Variants in DCAF6 observed in about 807,000 individuals in gnomAD.
DCAF6 encodes DDB1- and CUL4-associated factor 6.
In DCAF6, 54 loss-of-function variants were observed where a neutral mutation model predicts 125.1. The observed-to-expected ratio is 0.43, with a 90% CI of 0.35 to 0.54. The LOEUF (loss-of-function observed/expected upper bound fraction) is 0.54, where lower values mean the gene tolerates loss of function less well. DCAF6 is among the 20% of genes least tolerant of loss of function. The probability of loss-of-function intolerance (pLI) is 0.01; values close to 1 mark genes in which losing one functional copy is unlikely to be tolerated. For synonymous variants in DCAF6, 371 were observed against 390.4 expected (o/e 0.95, Z 0.58); for missense variants, 934 against 1,161.7 (o/e 0.80, Z 2.85).
upstream of DCAF6, chr1:167,935,896 T>C: frequency 7.3e-7 from 1 of 1,371,762 alleles, no homozygotes; most frequent in Non-Finnish European, 1.0e-6. Context: ...TTCTCGTCCC[T>C]GGCTGACAAC....
chr1:167,941,062 T>C (rs1202432066), intron 1 of DCAF6, among the ~76,000 whole-genome samples: 1 of 152,220 alleles, frequency 6.6e-6, no homozygotes, highest in East Asian at 1.9e-4. Context: ...CTTCATAATA[T>C]GTTGCCAAGT....
At chr1:167,979,777 C>A (rs2102930170) in intron 4 of DCAF6, among the ~76,000 whole-genome samples, 1 of 152,276 alleles carries the variant, frequency 6.6e-6, no homozygotes, top group South Asian at 2.1e-4. Flanking sequence ...GTCCCAGCTA[C>A]TCAGGAGGCT....
At chr1:167,985,753 A>G (rs192364919) in intron 4 of DCAF6, among the ~76,000 whole-genome samples, 5 of 152,330 alleles carry the variant, frequency 3.3e-5, no homozygotes, top group Admixed American at 6.5e-5. Flanking sequence ...AAATTTTTAA[A>G]AAGTATAAAA....
At chr1:167,929,134 G>A in the DCAF6 span, among the ~76,000 whole-genome samples, 5 of 152,136 alleles carry the variant, frequency 3.3e-5, no homozygotes, top group East Asian at 1.9e-4. Context: ...GGAGGTGGGC[G>A]GATCACCAGA....
intron 7 of DCAF6, 45 bp from the exon 8 acceptor site, chr1:168,002,437 A>G: frequency 2.6e-6 from 4 of 1,521,492 alleles, no homozygotes; most frequent in Non-Finnish European, 3.6e-6. Flanking sequence ...TTGAGAGTAG[A>G]TGAGTTTTAG....
chr1:168,041,222 C>T (rs1688491611), intron 13 of DCAF6, among the ~76,000 whole-genome samples: 1 of 152,016 alleles, frequency 6.6e-6, no homozygotes, highest in African/African-American at 2.4e-5. Context: ...CAGTTCTCAT[C>T]TTTTGTAAAT....
chr1:168,007,962 C>CTTTTTT (rs35185748), intron 10 of DCAF6, among the ~76,000 whole-genome samples: 3 of 67,462 alleles, frequency 4.4e-5, no homozygotes, highest in African/African-American at 2.0e-4. Flanking sequence ...TGTTGTACAT[C>CTTTTTT]TTTTTTTTTT....
the DCAF6 span, among the ~76,000 whole-genome samples, chr1:167,910,186 A>C: frequency 3.3e-5 from 5 of 152,228 alleles, no homozygotes; most frequent in African/African-American, 1.2e-4. Flanking sequence ...TCCTGCTACA[A>C]TGGTATCTGT....
At chr1:168,032,300 T>C (rs549375184) in intron 12 of DCAF6, among the ~76,000 whole-genome samples, 2 of 152,366 alleles carry the variant, frequency 1.3e-5, no homozygotes, top group East Asian at 3.9e-4. Flanking sequence ...CAGTTATCTG[T>C]AGGGTAGATA....
At chr1:167,920,114 A>T in the DCAF6 span, 2 of 1,443,392 alleles carry the variant, frequency 1.4e-6, no homozygotes, top group African/African-American at 2.8e-5. Flanking sequence ...ATGTTACTTT[A>T]AAAAGAATAC....
intron 2 of DCAF6, among the ~76,000 whole-genome samples, chr1:167,961,317 A>G (rs922785669): frequency 2.6e-5 from 4 of 151,980 alleles, no homozygotes; most frequent in Non-Finnish European, 5.9e-5. Flanking sequence ...ATCTCGGCTC[A>G]ATGCAAGCTC....
At chr1:167,869,814 G>C in the DCAF6 span, among the ~76,000 whole-genome samples, 1 of 151,818 alleles carries the variant, frequency 6.6e-6, no homozygotes, top group African/African-American at 2.4e-5. Flanking sequence ...ATTTTGAGAC[G>C]CTAGCCTGCC....
At chr1:167,908,228 A>T in the DCAF6 span, among the ~76,000 whole-genome samples, 3 of 152,278 alleles carry the variant, frequency 2.0e-5, no homozygotes, top group Non-Finnish European at 4.4e-5. Flanking sequence ...GCCGTAAAAC[A>T]GAAGGAAATT....
intron 1 of DCAF6, among the ~76,000 whole-genome samples, chr1:167,944,660 T>C (rs1672786643): frequency 6.6e-6 from 1 of 152,202 alleles, no homozygotes; most frequent in Admixed American, 6.6e-5. Flanking sequence ...TTAGATTTTT[T>C]TGGTTGTTGA....
intron 5 of DCAF6, among the ~76,000 whole-genome samples, chr1:167,990,335 G>A (rs1680656603): frequency 6.6e-6 from 1 of 151,428 alleles, no homozygotes; most frequent in African/African-American, 2.4e-5. Context: ...ACCACTGTAA[G>A]CCTGGGCAAC....
At chr1:167,939,918 A>G (rs925613781) in intron 1 of DCAF6, among the ~76,000 whole-genome samples, 28 of 152,176 alleles carry the variant, frequency 1.8e-4, no homozygotes, top group African/African-American at 6.8e-4. Flanking sequence ...AGGGTTGTAG[A>G]TTTAAGTATT....
chr1:168,043,803 C>T (rs924637191), intron 14 of DCAF6, among the ~76,000 whole-genome samples: 1 of 152,080 alleles, frequency 6.6e-6, no homozygotes, highest in African/African-American at 2.4e-5. Context: ...AAAGACTGAT[C>T]CTTCATGCAT....
intron 4 of DCAF6, among the ~76,000 whole-genome samples, chr1:167,977,072 T>A (rs1678348410): frequency 6.6e-6 from 1 of 151,488 alleles, no homozygotes; most frequent in African/African-American, 2.4e-5. Context: ...TGGCTAATTT[T>A]GTATTTTTTT....
the DCAF6 span, among the ~76,000 whole-genome samples, chr1:167,902,953 C>A: frequency 6.6e-6 from 1 of 152,284 alleles, no homozygotes; most frequent in Non-Finnish European, 1.5e-5. Context: ...TAGATGCTGG[C>A]TTTTAAAAAT....
Sources: allele counts gnomAD v4.1 joint callset (sites outside exome capture counted in the v4.1 genomes callset), GRCh38; gene constraint gnomAD v4.1.1; transcripts MANE v1.5; gene names NCBI Gene and HGNC (gene_info 2026-07-23, HGNC 2026-07-21).